CYP19A1: variants seen among roughly 807,000 people sequenced by gnomAD.
The protein encoded by CYP19A1 is aromatase.
Under a neutral mutation model 44.4 loss-of-function variants are expected in CYP19A1, and 32 were observed. The ratio of observed to expected loss-of-function variants is 0.72; its 90% CI spans 0.54 to 0.97. The LOEUF (loss-of-function observed/expected upper bound fraction) is 0.97, where lower values mean the gene tolerates loss of function less well. Among genes scored for constraint, CYP19A1 ranks in the 50% least tolerant of loss-of-function variants. CYP19A1 has a pLI of 0.00. For synonymous variants in CYP19A1, 212 were observed against 215.6 expected (o/e 0.98, Z 0.14); for missense variants, 598 against 637.8 (o/e 0.94, Z 0.67).
intron 1 of CYP19A1, among the ~76,000 whole-genome samples, chr15:51,247,876 G>A (rs1477000566): frequency 5.9e-5 from 9 of 151,756 alleles, no homozygotes; most frequent in Admixed American, 1.3e-4. Flanking sequence ...TAATAATGTC[G>A]TGTCCCTGTA....
chr15:51,317,319 C>T (rs896320442), intron 1 of CYP19A1, among the ~76,000 whole-genome samples: 2 of 152,092 alleles, frequency 1.3e-5, no homozygotes, highest in African/African-American at 4.8e-5. Flanking sequence ...CCATGTTAGC[C>T]AGGATGGTCT....
intron 2 of CYP19A1, among the ~76,000 whole-genome samples, chr15:51,241,615 A>G (rs2141120183): frequency 6.6e-6 from 1 of 152,224 alleles, no homozygotes; most frequent in East Asian, 1.9e-4. Flanking sequence ...GGAGAGGAGA[A>G]ATCCAGTGAG....
chr15:51,224,731 T>G (rs756396341), intron 4 of CYP19A1, among the ~76,000 whole-genome samples: 1 of 152,232 alleles, frequency 6.6e-6, no homozygotes, highest in South Asian at 2.1e-4. Flanking sequence ...GTTATTCTGC[T>G]TAAAATCTTT....
At chr15:51,258,675 C>T (rs1210230386) in intron 1 of CYP19A1, among the ~76,000 whole-genome samples, 1 of 152,198 alleles carries the variant, frequency 6.6e-6, no homozygotes, top group Non-Finnish European at 1.5e-5. Context: ...TCCCTCCCAT[C>T]TCCAACCCCT....
chr15:51,227,952 T>A lies in CYP19A1; in HGVS notation c.297-19A>T. 6.7e-7 allele frequency: 1 copy of A among 1,492,188 alleles called. No individual in the cohort carries two copies. The allele number at this position is 1,492,188 out of a possible 1,614,324, so 92.4% of individuals were successfully genotyped here. ...TGAGGACCTGAAAAGACAGGAAACT[T>A]TGGTGTCAATTTTTAAGGGTCAGGA... On this transcript the variant is annotated intron_variant, in intron 3 of 9. Coordinates refer to ENST00000396402, the MANE Select transcript of CYP19A1 (RefSeq NM_000103.4).
At chr15:51,243,034 C>G in intron 1 of CYP19A1, 84 bp from the exon 2 acceptor site, 1 of 778,668 alleles carries the variant, frequency 1.3e-6, no homozygotes, top group South Asian at 1.4e-5. Flanking sequence ...GGGTGCTGTA[C>G]AGTACAGATT....
At chr15:51,223,728 A>G (rs1239533970) in intron 4 of CYP19A1, among the ~76,000 whole-genome samples, 1 of 152,120 alleles carries the variant, frequency 6.6e-6, no homozygotes, top group Non-Finnish European at 1.5e-5. Flanking sequence ...TGAGATTTCC[A>G]TACATCTTGG....
At chr15:51,252,651 T>A (rs1309538749) in intron 1 of CYP19A1, among the ~76,000 whole-genome samples, 1 of 152,182 alleles carries the variant, frequency 6.6e-6, no homozygotes, top group Non-Finnish European at 1.5e-5. Context: ...GAAGAGGGCA[T>A]CAAGGCTCAT....
At chr15:51,270,756 G>A (rs1295296369) in intron 1 of CYP19A1, among the ~76,000 whole-genome samples, 6 of 152,182 alleles carry the variant, frequency 3.9e-5, no homozygotes, top group African/African-American at 1.4e-4. Flanking sequence ...TGACTCTAGA[G>A]TTCATGCTCT....
Position 51,294,657 on chromosome 15 carries a change from G to GCTGCCCTGT in CYP19A1, c.-39+43837_-39+43838insACAGGGCAG, listed in dbSNP as rs1326082197. 2.0e-4 allele frequency among the ~76,000 whole-genome samples: 26 copies of GCTGCCCTGT among 131,954 alleles called. 1 individual carries two copies. Among genetic ancestry groups the GCTGCCCTGT allele is most frequent in the Admixed American group, 2.1e-4 (3 of 14,288 alleles). The allele number at this position is 131,954 out of a possible 152,430, so 86.6% of individuals were successfully genotyped here. On this transcript the variant is annotated intron_variant, in intron 1 of 9. Coordinates refer to ENST00000396402, the MANE Select transcript of CYP19A1 (RefSeq NM_000103.4). ...GGGGGGTCAGCCCCCCGCCCGGCCA[G>GCTGCCCTGT]CCGCCCCGTCCGGGAGGGAGGTGGG...
chr15:51,268,265 C>A (rs1024207300), intron 1 of CYP19A1, among the ~76,000 whole-genome samples: 4 of 152,264 alleles, frequency 2.6e-5, no homozygotes, highest in African/African-American at 9.6e-5. Flanking sequence ...TTCCTCCACA[C>A]CCATCCCCTG....
rs551057090 is a variant in CYP19A1 at position 51,223,845 on chromosome 15, C to T, written c.452-1320G>A. Among the ~76,000 whole-genome samples the T allele has an allele frequency of 1.9e-4, 29 of 152,168 alleles. 1 individual carries two copies. The highest frequency in any genetic ancestry group is 6.7e-4 in the African/African-American group (28 of 41,516). On this transcript the variant is annotated intron_variant, in intron 4 of 9. Transcript: ENST00000396402. ...GTGACTGCCACTTCAGCAAGCAGGA[C>T]AAATGACTCAACCCTTTGTGTGGAA... is the stretch of plus-strand genomic sequence containing the variant.
intron 1 of CYP19A1, among the ~76,000 whole-genome samples, chr15:51,269,519 A>G (rs1011927626): frequency 1.3e-5 from 2 of 151,998 alleles, no homozygotes; most frequent in African/African-American, 2.4e-5. Flanking sequence ...TGGGGTTGCC[A>G]TGGAGGTGGA....
At chr15:51,319,674 T>G (rs1034642226) in intron 1 of CYP19A1, among the ~76,000 whole-genome samples, 7 of 152,222 alleles carry the variant, frequency 4.6e-5, no homozygotes, top group African/African-American at 1.7e-4. Context: ...AGCAAAACTT[T>G]GGGCTTATGC....
chr15:51,337,594 G>T (rs2036797693), intron 1 of CYP19A1, among the ~76,000 whole-genome samples: 1 of 152,214 alleles, frequency 6.6e-6, no homozygotes, highest in African/African-American at 2.4e-5. Context: ...CACAGTGCTT[G>T]GGACTGGCCT....
chr15:51,322,800 A>T lies in CYP19A1; in HGVS notation c.-39+15695T>A, dbSNP rs905543536. 5.9e-5 allele frequency among the ~76,000 whole-genome samples: 9 copies of T among 152,142 alleles called. No individual in the cohort carries two copies. In the South Asian group the frequency reaches 6.2e-4, roughly 10 times the overall value. On this transcript the variant is annotated intron_variant, in intron 1 of 9. Coordinates refer to ENST00000396402, the MANE Select transcript of CYP19A1 (RefSeq NM_000103.4). Reference sequence around the variant, plus strand: ...CTGGGTCTCACCAGCTGGATTCAGCACCTCTCAGTTTCTCTCCCATTGTGG... The same window carrying T: ...CTGGGTCTCACCAGCTGGATTCAGCTCCTCTCAGTTTCTCTCCCATTGTGG...
chr15:51,311,178 A>T (rs2036303269), intron 1 of CYP19A1, among the ~76,000 whole-genome samples: 1 of 152,226 alleles, frequency 6.6e-6, no homozygotes, highest in Admixed American at 6.5e-5. Context: ...GGAAAAAAAA[A>T]ACTCCGAAGC....
chr15:51,333,047 A>G (rs1210705728), intron 1 of CYP19A1, among the ~76,000 whole-genome samples: 1 of 152,180 alleles, frequency 6.6e-6, no homozygotes, highest in Non-Finnish European at 1.5e-5. Flanking sequence ...TCAGCTACTG[A>G]ATTTGTCTGC....
intron 6 of CYP19A1, 125 bp downstream of exon 6, chr15:51,218,416 A>C: frequency 2.9e-6 from 4 of 1,397,446 alleles, no homozygotes; most frequent in Non-Finnish European, 3.8e-6. Context: ...AACTTAATCA[A>C]CAGCTCCCTT....
Sources: gnomAD v4.1 joint callset for allele counts (sites outside exome capture counted in the v4.1 genomes callset) on GRCh38, gnomAD v4.1.1 for gene constraint, MANE v1.5 for transcripts, NCBI Gene and HGNC (gene_info 2026-07-23, HGNC 2026-07-21) for gene names.